TTC28: variants seen among roughly 807,000 people sequenced by gnomAD.
TTC28 encodes the protein tetratricopeptide repeat protein 28.
A neutral mutation model predicts 198.0 loss-of-function variants in TTC28; 61 were observed. The ratio of observed to expected loss-of-function variants is 0.31; its 90% CI spans 0.25 to 0.38. The LOEUF is 0.38. TTC28 is among the 10% of genes least tolerant of loss of function. The pLI is 1.00. For missense variants in TTC28, 2,678 were observed against 3,164.0 expected, an observed-to-expected ratio of 0.85 and a Z score of 3.69; for synonymous variants, 1,171 against 1,297.8, an observed-to-expected ratio of 0.90 and a Z score of 2.10.
chr22:28,305,400 C>G (rs1332432766), intron 3 of TTC28, among the ~76,000 whole-genome samples: 3 of 152,086 alleles, frequency 2.0e-5, no homozygotes, highest in Non-Finnish European at 4.4e-5. Flanking sequence ...AATATGAAAT[C>G]CCTGAATTTC....
intron 2 of TTC28, among the ~76,000 whole-genome samples, chr22:28,429,236 T>C (rs533456475): frequency 2.9e-4 from 44 of 152,328 alleles, no homozygotes; most frequent in Non-Finnish European, 4.6e-4. Flanking sequence ...CTTGCAGCTT[T>C]TGTATCTCAC....
intron 12 of TTC28, among the ~76,000 whole-genome samples, chr22:28,089,564 T>G (rs929881694): frequency 6.7e-6 from 1 of 150,082 alleles, no homozygotes; most frequent in African/African-American, 2.5e-5. Context: ...ACCTAATGCT[T>G]AATGACGAGT....
chr22:28,192,625 A>G (rs1924930471), intron 5 of TTC28, among the ~76,000 whole-genome samples: 1 of 152,196 alleles, frequency 6.6e-6, no homozygotes, highest in African/African-American at 2.4e-5. Flanking sequence ...AAACCATGGC[A>G]TGAGAACTAC....
At chr22:28,418,419 A>G (rs1463508706) in intron 2 of TTC28, among the ~76,000 whole-genome samples, 1 of 152,242 alleles carries the variant, frequency 6.6e-6, no homozygotes, top group East Asian at 1.9e-4. Context: ...TTTTTGAAGA[A>G]GCAAAAATAC....
chr22:28,017,827 T>C (rs1938431168), intron 13 of TTC28, among the ~76,000 whole-genome samples: 1 of 152,084 alleles, frequency 6.6e-6, no homozygotes, highest in Non-Finnish European at 1.5e-5. Flanking sequence ...CCTGAGAACA[T>C]TCCCCCCATC....
intron 2 of TTC28, 129 bp from the exon 3 acceptor site, chr22:28,306,772 G>C: frequency 5.2e-6 from 5 of 963,564 alleles, no homozygotes; most frequent in Non-Finnish European, 7.6e-6. Context: ...CTAGTGAACA[G>C]TTGGTAATGA....
chr22:28,074,746 T>TC (rs59127361), intron 12 of TTC28, among the ~76,000 whole-genome samples: 4,622 of 151,770 alleles, frequency 0.03, 74 homozygotes, highest in African/African-American at 0.042. Context: ...CACCAGATTA[T>TC]CCCCCCCCAT....
At chr22:28,311,688 T>C (rs1289571319) in intron 2 of TTC28, among the ~76,000 whole-genome samples, 1 of 152,182 alleles carries the variant, frequency 6.6e-6, no homozygotes, top group East Asian at 1.9e-4. Context: ...TTTTAGTTAT[T>C]TTTAAATGTA....
At chr22:28,635,554 G>C (rs1382519917) in intron 1 of TTC28, among the ~76,000 whole-genome samples, 1 of 152,030 alleles carries the variant, frequency 6.6e-6, no homozygotes, top group East Asian at 1.9e-4. Context: ...ATCTTAAAAG[G>C]GTAGAGGGAG....
chr22:28,034,032 AGGAGAAGGGAATGAAATATG>A (rs745547211), intron 12 of TTC28, among the ~76,000 whole-genome samples: 2 of 152,228 alleles, frequency 1.3e-5, no homozygotes, highest in Admixed American at 6.5e-5. Context: ...AAAGAAAGAG[AGGAGAAGGGAATGAAATATG>A]AGAATGTGAA....
intron 14 of TTC28, among the ~76,000 whole-genome samples, chr22:28,004,223 CTG>C (rs1937836565): frequency 6.6e-6 from 1 of 152,128 alleles, no homozygotes; most frequent in Non-Finnish European, 1.5e-5. Flanking sequence ...GGGAGCCAGA[CTG>C]TGGGGGCGCT....
rs1295263131 is a variant in TTC28, at chr22:28,096,502, C to T, written c.3548-94G>A. 2.2e-5 allele frequency: 28 copies of T among 1,245,726 alleles called. 1 individual carries two copies. The South Asian group carries it at 3.5e-4, about 16-fold the overall frequency. 77.2% of individuals were successfully genotyped at this position (1,245,726 alleles called of 1,614,324 possible). A position where few individuals can be genotyped will look rare whatever the true frequency, so the allele number is the denominator to read the frequency against. ...CGGCCATCAAATCCTGGGCAGAAAC[C>T]TCACTGCCTCTACTCTCCAATATGT... On this transcript the variant is annotated intron_variant, in intron 10 of 22. Coordinates refer to ENST00000397906, the MANE Select transcript of TTC28 (RefSeq NM_001145418.2).
chr22:28,346,824 G>T (rs534830959), intron 2 of TTC28, among the ~76,000 whole-genome samples: 2 of 152,310 alleles, frequency 1.3e-5, no homozygotes, highest in African/African-American at 4.8e-5. Context: ...GAGGAAGGCT[G>T]TGGTTAAGCA....
chr22:28,406,707 C>G (rs915013770), intron 2 of TTC28, among the ~76,000 whole-genome samples: 1 of 152,170 alleles, frequency 6.6e-6, no homozygotes, highest in Non-Finnish European at 1.5e-5. Flanking sequence ...ATGAGAACAT[C>G]AGAAGTCCAA....
chr22:28,136,880 T>C (rs537390235), intron 6 of TTC28, among the ~76,000 whole-genome samples: 1 of 152,284 alleles, frequency 6.6e-6, no homozygotes, highest in Admixed American at 6.5e-5. Flanking sequence ...GAAGTAGTAA[T>C]ATGTCTTTGC....
rs148434147 is a variant in TTC28 at position 28,513,537 on chromosome 22, G to A, written c.381+116015C>T. On this transcript the variant is annotated intron_variant, in intron 2 of 22. Transcript: ENST00000397906. ...GAGAAGCACTTGAGCCCAAGAATTC[G>A]AGGCTGCATAAGCTATGATGGCACC... is the stretch of plus-strand genomic sequence containing the variant. Among the ~76,000 whole-genome samples, 42 of 152,258 alleles carry A rather than the reference G, an allele frequency of 2.8e-4. No homozygotes were observed. In the East Asian group the frequency reaches 6.4e-3, roughly 23 times the overall value.
intron 12 of TTC28, among the ~76,000 whole-genome samples, chr22:28,083,432 TCAAATTA>T (rs997249710): frequency 6.6e-6 from 1 of 152,150 alleles, no homozygotes; most frequent in African/African-American, 2.4e-5. Flanking sequence ...TTCTGCAAAG[TCAAATTA>T]CAAAAAAGTT....
Position 28,170,969 on chromosome 22 carries a change from T to C in TTC28, c.934-7370A>G, listed in dbSNP as rs573902596. On this transcript the variant is annotated intron_variant, in intron 5 of 22. Coordinates refer to ENST00000397906, the MANE Select transcript of TTC28 (RefSeq NM_001145418.2). ...ATCTTCCTAGGCCTCTCACATTGCT[T>C]GCCACTCATTCTTTTTTTTTTTTTT... 1.1e-4 allele frequency among the ~76,000 whole-genome samples: 17 copies of C among 151,182 alleles called. No homozygotes were observed. In the South Asian group the frequency reaches 3.3e-3, roughly 30 times the overall value.
chr22:28,517,562 G>C (rs915348701), intron 2 of TTC28, among the ~76,000 whole-genome samples: 1 of 152,190 alleles, frequency 6.6e-6, no homozygotes, highest in Admixed American at 6.5e-5. Context: ...TAGGAAGACA[G>C]AATTATGGCC....
Sources: allele counts gnomAD v4.1 joint callset (sites outside exome capture counted in the v4.1 genomes callset), GRCh38; gene constraint gnomAD v4.1.1; transcripts MANE v1.5; gene names NCBI Gene and HGNC (gene_info 2026-07-23, HGNC 2026-07-21).